Variants in CSGALNACT1 observed in about 807,000 individuals in gnomAD.
CSGALNACT1 encodes the protein beta4GalNAcT-1.
In CSGALNACT1, 52 loss-of-function variants were observed where a neutral mutation model predicts 51.0. The observed-to-expected ratio is 1.02, with a 90% confidence interval of 0.82 to 1.29. The LOEUF (loss-of-function observed/expected upper bound fraction) is 1.29, where lower values mean the gene tolerates loss of function less well. CSGALNACT1 is among the 50% of genes most tolerant of loss of function. CSGALNACT1 has a pLI of 0.00. For missense variants in CSGALNACT1, 935 were observed against 679.2 expected (o/e 1.38, Z -4.19); for synonymous variants, 341 against 254.4 (o/e 1.34, Z -3.24).
chr8:19,742,530 T>A (rs1007732681), intron 1 of CSGALNACT1, among the ~76,000 whole-genome samples: 1 of 152,224 alleles, frequency 6.6e-6, no homozygotes, highest in Non-Finnish European at 1.5e-5. Flanking sequence ...CTGGCCCAGC[T>A]GCAGCCAATG....
intron 3 of CSGALNACT1, among the ~76,000 whole-genome samples, chr8:19,523,128 C>G (rs2081044489): frequency 6.6e-6 from 1 of 152,190 alleles, no homozygotes; most frequent in Admixed American, 6.5e-5. Context: ...AGTTCCATCT[C>G]ACGTAACAGT....
intron 1 of CSGALNACT1, among the ~76,000 whole-genome samples, chr8:19,644,184 C>G (rs890234691): frequency 5.9e-5 from 9 of 152,004 alleles, no homozygotes; most frequent in Admixed American, 4.6e-4. Flanking sequence ...TGTGTGCACA[C>G]AGTGCACACA....
chr8:19,606,255 A>G (rs949892627), upstream of CSGALNACT1, among the ~76,000 whole-genome samples: 1 of 152,246 alleles, frequency 6.6e-6, no homozygotes, highest in East Asian at 1.9e-4. Context: ...CTAATTTTAT[A>G]TATACACAAA....
chr8:19,721,230 G>A (rs1413029976), intron 1 of CSGALNACT1, among the ~76,000 whole-genome samples: 1 of 152,140 alleles, frequency 6.6e-6, no homozygotes, highest in African/African-American at 2.4e-5. Context: ...AAAACCTGCT[G>A]TGAACAACAT....
At chr8:19,634,139 CACTTT>C (rs1276755045) in intron 1 of CSGALNACT1, among the ~76,000 whole-genome samples, 1 of 152,174 alleles carries the variant, frequency 6.6e-6, no homozygotes, top group African/African-American at 2.4e-5. Flanking sequence ...AAACCTAGGA[CACTTT>C]ACGTCATATT....
chr8:19,679,786 G>T (rs1011099052), intron 1 of CSGALNACT1, among the ~76,000 whole-genome samples: 1 of 152,150 alleles, frequency 6.6e-6, no homozygotes, highest in Non-Finnish European at 1.5e-5. Context: ...ATACAAGAGG[G>T]TGGAAGAGGA....
At chr8:19,680,687 T>A (rs1487179021) in intron 1 of CSGALNACT1, among the ~76,000 whole-genome samples, 1 of 151,728 alleles carries the variant, frequency 6.6e-6, no homozygotes, top group Non-Finnish European at 1.5e-5. Context: ...TTTAAAGTAG[T>A]CATGTGTCAC....
chr8:19,442,152 T>G (rs927842725), intron 5 of CSGALNACT1, among the ~76,000 whole-genome samples: 1 of 152,196 alleles, frequency 6.6e-6, no homozygotes, highest in Non-Finnish European at 1.5e-5. Context: ...ATTGTGGAAG[T>G]CAGTGTGGCG....
intron 1 of CSGALNACT1, among the ~76,000 whole-genome samples, chr8:19,664,676 C>CACACATAT (rs1238135161): frequency 2.7e-5 from 4 of 150,940 alleles, no homozygotes; most frequent in Non-Finnish European, 4.4e-5. Flanking sequence ...TACACACATA[C>CACACATAT]ACACATATAC....
chr8:19,724,673 G>A (rs1030224114), intron 1 of CSGALNACT1, among the ~76,000 whole-genome samples: 14 of 152,206 alleles, frequency 9.2e-5, no homozygotes, highest in Admixed American at 6.5e-5. Flanking sequence ...TGCACCCTCA[G>A]CTAATACATA....
At chr8:19,673,190 T>C (rs1310416334) in intron 1 of CSGALNACT1, among the ~76,000 whole-genome samples, 1 of 152,202 alleles carries the variant, frequency 6.6e-6, no homozygotes, top group Non-Finnish European at 1.5e-5. Context: ...GCACTAAAAA[T>C]GGACTCCGAT....
At chr8:19,443,420 A>T (rs376199565) in intron 5 of CSGALNACT1, among the ~76,000 whole-genome samples, 1 of 152,178 alleles carries the variant, frequency 6.6e-6, no homozygotes, top group African/African-American at 2.4e-5. Flanking sequence ...CATGCTGCTA[A>T]TAAAGACATA....
At chr8:19,609,250 T>A (rs139696359) in intron 1 of CSGALNACT1, among the ~76,000 whole-genome samples, 6 of 150,814 alleles carry the variant, frequency 4.0e-5, no homozygotes, top group African/African-American at 1.5e-4. Flanking sequence ...AAATATATAG[T>A]AATATTGCTT....
chr8:19,687,451 G>A (rs2061040117), upstream of CSGALNACT1, among the ~76,000 whole-genome samples: 1 of 152,054 alleles, frequency 6.6e-6, no homozygotes, highest in African/African-American at 2.4e-5. Flanking sequence ...CAATCTCAAT[G>A]TACAATGCCG....
At chr8:19,717,519 T>C (rs764876504) in intron 1 of CSGALNACT1, among the ~76,000 whole-genome samples, 5 of 152,170 alleles carry the variant, frequency 3.3e-5, no homozygotes, top group Non-Finnish European at 7.4e-5. Context: ...ACAAATGCAA[T>C]GAGTCATGTA....
At chr8:19,702,648 C>T (rs1032076792) in intron 1 of CSGALNACT1, among the ~76,000 whole-genome samples, 1 of 152,176 alleles carries the variant, frequency 6.6e-6, no homozygotes, top group Non-Finnish European at 1.5e-5. Flanking sequence ...CCTGCATGCA[C>T]CTGGAATGCT....
At chr8:19,457,969 A>T (rs1001068402) in intron 5 of CSGALNACT1, among the ~76,000 whole-genome samples, 2 of 152,234 alleles carry the variant, frequency 1.3e-5, no homozygotes, top group Non-Finnish European at 2.9e-5. Context: ...CCACTAGAAC[A>T]GGACAGCAGG....
chr8:19,667,551 G>C (rs62494490), intron 1 of CSGALNACT1, among the ~76,000 whole-genome samples: 10,191 of 152,196 alleles, frequency 0.067, 380 homozygotes, highest in Middle Eastern at 0.11. Context: ...GAGAGAGTCA[G>C]TCGTGTTCCA....
intron 3 of CSGALNACT1, among the ~76,000 whole-genome samples, chr8:19,574,585 C>G (rs865965602): frequency 1.4e-4 from 21 of 152,140 alleles, no homozygotes; most frequent in African/African-American, 4.8e-4. Flanking sequence ...GGCACTAAAG[C>G]CACAGCCAGC....
Sources: allele counts gnomAD v4.1 joint callset (sites outside exome capture counted in the v4.1 genomes callset), GRCh38; gene constraint gnomAD v4.1.1; transcripts MANE v1.5; gene names NCBI Gene and HGNC (gene_info 2026-07-23, HGNC 2026-07-21).